The following ZNF787 variants were observed in gnomAD, a reference collection of about 807,000 sequenced individuals.
ZNF787 encodes TTF-I-interacting peptide 20.
A neutral mutation model predicts 16.9 loss-of-function variants in ZNF787; 7 were observed. The ratio of observed to expected loss-of-function variants is 0.42; its 90% CI spans 0.24 to 0.78. The LOEUF (loss-of-function observed/expected upper bound fraction) is 0.78. ZNF787 is among the 30% of genes least tolerant of loss of function. ZNF787 has a pLI of 0.30. For missense variants in ZNF787, 551 were observed against 589.3 expected, an observed-to-expected ratio of 0.94 and a Z score of 0.67; for synonymous variants, 345 against 270.9, an observed-to-expected ratio of 1.27 and a Z score of -2.69.
Position 56,108,203 on chromosome 19 carries a change from C to A in ZNF787, c.-10-4976G>T, listed in dbSNP as rs530858280. 1.5e-3 allele frequency among the ~76,000 whole-genome samples: 223 copies of A among 152,156 alleles called. 1 individual carries two copies. Among genetic ancestry groups the A allele is most frequent in the African/African-American group, 5.1e-3 (212 of 41,504 alleles). ...GGCAGCCCTGCCAGGAGGCGCCGCT[C>A]CCCGCTCTCTCCACCCAGCCCCTGC... On this transcript the variant is annotated intron_variant, in intron 1 of 2. Coordinates refer to ENST00000610935, the MANE Select transcript of ZNF787 (RefSeq NM_001002836.4).
chr19:56,093,014 G>T (rs1394190179), intron 2 of ZNF787, among the ~76,000 whole-genome samples: 1 of 151,770 alleles, frequency 6.6e-6, no homozygotes, highest in Non-Finnish European at 1.5e-5. Flanking sequence ...CACAGGAGGT[G>T]GCGGAAGTGG....
intron 1 of ZNF787, chr19:56,105,513 CAAAA>C (rs1384663167): frequency 1.3e-5 from 2 of 152,068 alleles, no homozygotes; most frequent in African/African-American, 4.8e-5. Context: ...AGCCTTAGAA[CAAAA>C]AAACCTCCTA....
chr19:56,109,229 G>C (rs950600307), intron 1 of ZNF787, among the ~76,000 whole-genome samples: 1 of 152,228 alleles, frequency 6.6e-6, no homozygotes, highest in Non-Finnish European at 1.5e-5. Flanking sequence ...CTACGTATCG[G>C]AACTGGTAGA....
intron 2 of ZNF787, among the ~76,000 whole-genome samples, chr19:56,101,004 C>A (rs1166963275): frequency 3.5e-5 from 5 of 140,854 alleles, no homozygotes; most frequent in Admixed American, 6.9e-5. Flanking sequence ...CCAGGCCAAC[C>A]CCCGCCACTC....
Position 56,088,521 on chromosome 19 carries a change from G to A in ZNF787, c.651C>T (p.Val217=), listed in dbSNP as rs914748998. The A allele has an allele frequency of 3.5e-6, 5 of 1,431,670 alleles. No homozygotes were observed. The highest frequency in any genetic ancestry group is 3.6e-6 in the Non-Finnish European group (4 of 1,100,854). The allele number at this position is 1,431,670 out of a possible 1,614,324, so 88.7% of individuals were successfully genotyped here. The change falls in exon 3 of 3, where the codon GTC becomes GTT. Residue 217 remains valine (V), a synonymous_variant. Transcript: ENST00000610935. This position sits in a 1 kb window ranked among gnomAD's most constrained non-coding sequence, Gnocchi z 8.6. ...CCTCTTCGGGCCCCTTGGCCCGCCG[G>A]ACGCTAGCCGCCAGCACCTTGGCCG... ...GVAAKVLAAS[V]RRAKGPEEAV...
intron 2 of ZNF787, among the ~76,000 whole-genome samples, chr19:56,090,964 G>C (rs932477373): frequency 3.9e-5 from 6 of 152,236 alleles, no homozygotes. Context: ...CCAAGGCAGA[G>C]AGTATTCGAA....
chr19:56,089,387 G>A (rs115082203), intron 2 of ZNF787, among the ~76,000 whole-genome samples: 2 of 152,068 alleles, frequency 1.3e-5, no homozygotes, highest in Non-Finnish European at 1.5e-5. Context: ...AGGCATGGGC[G>A]AGGGGCGGGA....
At chr19:56,118,650 T>G (rs1599963848) in intron 1 of ZNF787, among the ~76,000 whole-genome samples, 1 of 152,226 alleles carries the variant, frequency 6.6e-6, no homozygotes, top group African/African-American at 2.4e-5. Context: ...TCCTGCAAAG[T>G]GTGCACCAGC....
chr19:56,097,980 C>A (rs1568526729), intron 2 of ZNF787, among the ~76,000 whole-genome samples: 1 of 152,152 alleles, frequency 6.6e-6, no homozygotes. Flanking sequence ...CATGCTGAAG[C>A]CCGGCCTGCT....
In ZNF787 at chr19:56,087,692, G is replaced by C. The variant is rs1013915392; in HGVS notation, c.*331C>G. ...CCCCACCCCCGCCCCGGACAACTGA[G>C]GAAGAGCAGGGAAAATGGCCTTCCG... On this transcript the variant is annotated 3_prime_UTR_variant, in exon 3 of 3. Transcript: ENST00000610935. The C allele has an allele frequency of 5.5e-6, 1 of 182,298 alleles. No individual in the cohort carries two copies. The highest frequency in any genetic ancestry group is 1.5e-4 in the East Asian group (1 of 6,812). The allele number at this position is 182,298 out of a possible 1,614,324, so 11.3% of individuals were successfully genotyped here.
At position 56,099,794 on chromosome 19, in the gene ZNF787, G is replaced by A. The variant is rs141038299; in HGVS notation, c.79+3345C>T. ...GGGAAGAAAACTGCAGCAGGGCCAC[G>A]CAGGCTGGGGGCCGTGTCAGGGGTC... On this transcript the variant is annotated intron_variant, in intron 2 of 2. Transcript: ENST00000610935. Among the ~76,000 whole-genome samples the A allele has an allele frequency of 2.3e-3, 343 of 152,106 alleles. 1 individual carries two copies. Among genetic ancestry groups the A allele is most frequent in the African/African-American group, 7.9e-3 (327 of 41,500 alleles).
At chr19:56,110,277 T>C (rs2029939753) in intron 1 of ZNF787, among the ~76,000 whole-genome samples, 1 of 151,080 alleles carries the variant, frequency 6.6e-6, no homozygotes, top group Non-Finnish European at 1.5e-5. Flanking sequence ...GGAGAATCGC[T>C]TGAACCCCGG....
chr19:56,112,381 G>A (rs183983886), intron 1 of ZNF787, among the ~76,000 whole-genome samples: 77 of 152,252 alleles, frequency 5.1e-4, no homozygotes, highest in African/African-American at 1.8e-3. Context: ...TCTGACCTCC[G>A]CTGCAGAGAG....
At chr19:56,096,613 T>C in intron 2 of ZNF787, among the ~76,000 whole-genome samples, 1 of 152,052 alleles carries the variant, frequency 6.6e-6, no homozygotes, top group Non-Finnish European at 1.5e-5. Context: ...CTCAGGAGGC[T>C]GAGGCAGGAG....
intron 1 of ZNF787, among the ~76,000 whole-genome samples, chr19:56,118,526 G>A (rs1466790832): frequency 6.6e-6 from 1 of 152,156 alleles, no homozygotes; most frequent in Non-Finnish European, 1.5e-5. Flanking sequence ...TGGGGGCCTT[G>A]GGCTAACAAG....
chr19:56,088,367 G>T lies in ZNF787; in HGVS notation c.805C>A (p.Pro269Thr). The change falls in exon 3 of 3, where the codon CCC (proline) becomes ACC (threonine). Residue 269 changes from proline to threonine, a missense_variant. Pro to Thr is a conservative substitution (Grantham distance 38). Coordinates refer to ENST00000610935, the MANE Select transcript of ZNF787 (RefSeq NM_001002836.4). The surrounding 1 kb of genome is among the most constrained non-coding windows in gnomAD (Gnocchi z 8.6). ...MAGAGAKAAG[P>T]RSRRAPAPKP... ...GGGGCCGGGGCGCGCCGCGACCGGG[G>T]CCCCGCGGCCTTTGCCCCCGCGCCC... The T allele has an allele frequency of 2.7e-6, 3 of 1,122,156 alleles. No homozygotes were observed. 69.5% of individuals were successfully genotyped at this position (1,122,156 alleles called of 1,614,324 possible). A position where few individuals can be genotyped will look rare whatever the true frequency, so the allele number is the denominator to read the frequency against.
chr19:56,087,923 T>C lies in ZNF787; in HGVS notation c.*100A>G. The C allele has an allele frequency of 1.6e-6, 2 of 1,283,980 alleles. No individual in the cohort carries two copies. The highest frequency in any genetic ancestry group is 2.0e-6 in the Non-Finnish European group (2 of 1,016,366). 79.5% of individuals were successfully genotyped at this position (1,283,980 alleles called of 1,614,324 possible). A position where few individuals can be genotyped will look rare whatever the true frequency, so the allele number is the denominator to read the frequency against. ...GGAGCCGGGGATGCCGCGGGGTCCA[T>C]CGCACCCCGTCCGCTTCTCCCTGGG... On this transcript the variant is annotated 3_prime_UTR_variant, in exon 3 of 3. Coordinates refer to ENST00000610935, the MANE Select transcript of ZNF787 (RefSeq NM_001002836.4).
intron 1 of ZNF787, among the ~76,000 whole-genome samples, chr19:56,119,352 C>T (rs946964659): frequency 6.6e-6 from 1 of 152,172 alleles, no homozygotes; most frequent in African/African-American, 2.4e-5. Context: ...GAAATTGAAC[C>T]TGGGAAAAGG....
Position 56,087,875 on chromosome 19 carries a change from G to T in ZNF787, c.*148C>A. 8.2e-7 allele frequency: 1 copy of T among 1,212,680 alleles called. No homozygotes were observed. Among genetic ancestry groups the T allele is most frequent in the Non-Finnish European group, 1.0e-6 (1 of 963,056 alleles). 75.1% of individuals were successfully genotyped at this position (1,212,680 alleles called of 1,614,324 possible). ...TACGCCCCAGTGCCCCCCCACGGAC[G>T]GCGCAGGGACAGAGGAGGGCGGGGA... On this transcript the variant is annotated 3_prime_UTR_variant, in exon 3 of 3. Coordinates refer to ENST00000610935, the MANE Select transcript of ZNF787 (RefSeq NM_001002836.4).
Sources: gnomAD v4.1 joint callset for allele counts (sites outside exome capture counted in the v4.1 genomes callset) on GRCh38, gnomAD v4.1.1 for gene constraint, Gnocchi (gnomAD v3.1) non-coding constraint, MANE v1.5 for transcripts, NCBI Gene and HGNC (gene_info 2026-07-23, HGNC 2026-07-21) for gene names.